The following ADCY2 variants were observed in gnomAD, a reference collection of about 807,000 sequenced individuals.
ADCY2 encodes adenylate cyclase type 2.
In ADCY2, 31 loss-of-function variants were observed where a neutral mutation model predicts 125.2. That is an observed-to-expected ratio of 0.25 (90% CI 0.19 to 0.33). The LOEUF is 0.33. Ranked by LOEUF, ADCY2 falls within the 10% of genes least tolerant of loss-of-function variation. The pLI, the probability that ADCY2 is intolerant of heterozygous loss-of-function variation, is 1.00. For missense variants in ADCY2, 904 were observed against 1,418.2 expected (o/e 0.64, Z 5.82); for synonymous variants, 512 against 548.4 (o/e 0.93, Z 0.93).
intron 2 of ADCY2, among the ~76,000 whole-genome samples, chr5:7,449,594 G>A (rs1741398123): frequency 1.3e-5 from 2 of 152,188 alleles, no homozygotes; most frequent in Admixed American, 6.5e-5. Context: ...TTCCCCTATT[G>A]TAATACATAA....
In ADCY2 at chr5:7,591,052, GAT is replaced by G. The variant is rs1231374724; in HGVS notation, c.571-35114_571-35113del. ...AATTATAGTAGGCAAATTTTGGAAT[GAT>G]TTTGTTTTTAGCTTTTGAAATTGCT... On this transcript the variant is annotated intron_variant, in intron 3 of 24. Coordinates refer to ENST00000338316, the MANE Select transcript of ADCY2 (RefSeq NM_020546.3). Among the ~76,000 whole-genome samples the G allele has an allele frequency of 2.0e-5, 3 of 152,246 alleles. No individual in the cohort carries two copies. The South Asian group carries it at 6.2e-4, about 32-fold the overall frequency.
At chr5:7,684,450 G>A (rs1740446104) in intron 4 of ADCY2, among the ~76,000 whole-genome samples, 1 of 152,226 alleles carries the variant, frequency 6.6e-6, no homozygotes, top group Admixed American at 6.5e-5. Flanking sequence ...TGAATTGACT[G>A]TTGATGATAA....
chr5:7,664,707 A>G (rs531457507), intron 4 of ADCY2, among the ~76,000 whole-genome samples: 2 of 152,334 alleles, frequency 1.3e-5, no homozygotes, highest in Admixed American at 6.5e-5. Context: ...ATCACCTTCT[A>G]TAGAGAATCC....
In ADCY2 at chr5:7,396,207, G is replaced by C; in HGVS notation, c.-90G>C. The C allele has an allele frequency of 1.3e-6, 1 of 743,266 alleles. No homozygotes were observed. Among genetic ancestry groups the C allele is most frequent in the Non-Finnish European group, 1.6e-6 (1 of 612,856 alleles). 46.0% of individuals were successfully genotyped at this position (743,266 alleles called of 1,614,324 possible). On this transcript the variant is annotated 5_prime_UTR_variant, in exon 1 of 25. Transcript: ENST00000338316. The surrounding 1 kb of genome is among the most constrained non-coding windows in gnomAD (Gnocchi z 5.7). ...CCGGGTGCCGGCAGCCGGGCCGGCC[G>C]AGGCGGCGCGGGGGTGGGACGCGGG...
Position 7,448,160 on chromosome 5 carries a change from G to GACACA in ADCY2, c.408+33390_408+33391insACACA, listed in dbSNP as rs1741345114. Among the ~76,000 whole-genome samples, 4 of 152,310 alleles carry GACACA rather than the reference G, an allele frequency of 2.6e-5. No homozygotes were observed. The South Asian group carries it at 8.3e-4, about 32-fold the overall frequency. On this transcript the variant is annotated intron_variant, in intron 2 of 24. Transcript: ENST00000338316. ...TCCCACAAGACCCTGAGGTAGGGAT[G>GACACA]GGGTCTTTCTGGTTATTGCTTCCCT...
chr5:7,665,115 A>G (rs1739667821), intron 4 of ADCY2, among the ~76,000 whole-genome samples: 2 of 152,134 alleles, frequency 1.3e-5, no homozygotes, highest in African/African-American at 4.8e-5. Context: ...CCATGGACAC[A>G]TGTTCTTGGC....
chr5:7,571,566 A>G (rs1225857731), intron 3 of ADCY2, among the ~76,000 whole-genome samples: 1 of 152,096 alleles, frequency 6.6e-6, no homozygotes, highest in Non-Finnish European at 1.5e-5. Context: ...AAAATTTTGT[A>G]TAGTTTGTTC....
intron 16 of ADCY2, among the ~76,000 whole-genome samples, chr5:7,758,230 A>G (rs1272150618): frequency 6.6e-6 from 1 of 152,196 alleles, no homozygotes; most frequent in African/African-American, 2.4e-5. Flanking sequence ...CACACTTAGG[A>G]CAGTCCTGGC....
intron 3 of ADCY2, among the ~76,000 whole-genome samples, chr5:7,525,457 T>G (rs974029738): frequency 6.6e-6 from 1 of 152,208 alleles, no homozygotes; most frequent in Non-Finnish European, 1.5e-5. Flanking sequence ...TGGCTGATCT[T>G]ATTCCTGTCT....
At chr5:7,599,033 G>A (rs1225082658) in intron 3 of ADCY2, among the ~76,000 whole-genome samples, 1 of 152,246 alleles carries the variant, frequency 6.6e-6, no homozygotes, top group Non-Finnish European at 1.5e-5. Context: ...CTCATTTGCT[G>A]CATTTTGGTG....
intron 4 of ADCY2, among the ~76,000 whole-genome samples, chr5:7,657,245 T>G (rs966447857): frequency 2.0e-5 from 3 of 152,196 alleles, no homozygotes; most frequent in Admixed American, 1.3e-4. Flanking sequence ...TGAAGGAGTT[T>G]GGAAAGTGTT....
chr5:7,517,991 C>T (rs1268099309), intron 2 of ADCY2, among the ~76,000 whole-genome samples: 2 of 152,174 alleles, frequency 1.3e-5, no homozygotes, highest in African/African-American at 4.8e-5. Context: ...TAAGATTTTA[C>T]ATAAATGTTA....
intron 18 of ADCY2, among the ~76,000 whole-genome samples, chr5:7,774,548 G>A (rs1743656527): frequency 6.6e-6 from 1 of 152,182 alleles, no homozygotes; most frequent in Admixed American, 6.5e-5. Flanking sequence ...AATCAGATTA[G>A]CAAGTTTCTG....
intron 6 of ADCY2, among the ~76,000 whole-genome samples, chr5:7,696,578 C>A (rs1023288680): frequency 6.6e-6 from 1 of 152,198 alleles, no homozygotes; most frequent in Non-Finnish European, 1.5e-5. Context: ...CTGGTCAATT[C>A]TCTCTTTGAA....
chr5:7,615,460 G>T (rs1254022068), intron 3 of ADCY2, among the ~76,000 whole-genome samples: 1 of 152,190 alleles, frequency 6.6e-6, no homozygotes, highest in Non-Finnish European at 1.5e-5. Flanking sequence ...TTAGATGGCT[G>T]CTTCTTGTCT....
chr5:7,415,053 GTA>G (rs1739886329), intron 2 of ADCY2, among the ~76,000 whole-genome samples: 1 of 152,114 alleles, frequency 6.6e-6, no homozygotes, highest in Non-Finnish European at 1.5e-5. Context: ...ATGTGTGTGT[GTA>G]TAATTGGATA....
chr5:7,515,890 G>A (rs1388746231), intron 2 of ADCY2, among the ~76,000 whole-genome samples: 1 of 152,176 alleles, frequency 6.6e-6, no homozygotes, highest in Non-Finnish European at 1.5e-5. Context: ...CTGTGAATAA[G>A]TAAAGCCAAT....
chr5:7,501,752 A>T (rs1311142857), intron 2 of ADCY2, among the ~76,000 whole-genome samples: 1 of 145,502 alleles, frequency 6.9e-6, no homozygotes, highest in African/African-American at 2.5e-5. Context: ...CTTGGCCTTG[A>T]GTCCACCTTC....
rs1354955026 is a variant in ADCY2 at position 7,766,719 on chromosome 5, T to C, written c.2127T>C (p.Pro709=). Reference sequence around the variant, plus strand: ...TGAGTGACTCAGAGGAAACAATCCCTCCAACTGCCAACACAACAAACACAA... The same window carrying C: ...TGAGTGACTCAGAGGAAACAATCCCCCCAACTGCCAACACAACAAACACAA... ...FFLSDSEETI[P]PTANTTNTSF... The change falls in exon 17 of 25, where the codon CCT becomes CCC. Residue 709 remains proline, a synonymous_variant. Coordinates refer to ENST00000338316, the MANE Select transcript of ADCY2 (RefSeq NM_020546.3). 6.2e-7 allele frequency: 1 copy of C among 1,612,410 alleles called. No individual in the cohort carries two copies. The highest frequency in any genetic ancestry group is 1.7e-5 in the Admixed American group (1 of 59,554).
Sources: allele counts gnomAD v4.1 joint callset (sites outside exome capture counted in the v4.1 genomes callset), GRCh38; gene constraint gnomAD v4.1.1; non-coding constraint Gnocchi (gnomAD v3.1); transcripts MANE v1.5; gene names NCBI Gene and HGNC (gene_info 2026-07-23, HGNC 2026-07-21).